Variants in RABGAP1L observed in about 807,000 individuals in gnomAD.
The protein encoded by RABGAP1L is RAB GTPase activating protein 1 like.
RABGAP1L carries 63 observed loss-of-function variants against 137.7 expected under a neutral mutation model. That is an observed-to-expected ratio of 0.46 (90% CI 0.37 to 0.56). RABGAP1L has a LOEUF of 0.56. Among genes scored for constraint, RABGAP1L ranks in the 20% least tolerant of loss-of-function variants. The pLI is 0.00. For synonymous variants in RABGAP1L, 431 were observed against 433.7 expected, an observed-to-expected ratio of 0.99 and a Z score of 0.08; for missense variants, 1,095 against 1,244.0, an observed-to-expected ratio of 0.88 and a Z score of 1.80.
At chr1:174,842,445 A>C (rs1398371801) in intron 19 of RABGAP1L, among the ~76,000 whole-genome samples, 2 of 152,218 alleles carry the variant, frequency 1.3e-5, no homozygotes, top group African/African-American at 4.8e-5. Flanking sequence ...ACCATAGATC[A>C]TATATTCTCC....
chr1:174,323,943 T>C (rs1680231205), intron 11 of RABGAP1L, among the ~76,000 whole-genome samples: 1 of 152,174 alleles, frequency 6.6e-6, no homozygotes, highest in Admixed American at 6.5e-5. Flanking sequence ...TGTGTGGATA[T>C]GCTCTATAAT....
chr1:174,516,971 A>AT (rs200447114), intron 13 of RABGAP1L, among the ~76,000 whole-genome samples: 1 of 151,078 alleles, frequency 6.6e-6, no homozygotes, highest in Admixed American at 6.6e-5. Flanking sequence ...AAATAAATAA[A>AT]ATAAATTATT....
At chr1:174,941,303 A>G (rs1665826000) in intron 19 of RABGAP1L, among the ~76,000 whole-genome samples, 1 of 152,228 alleles carries the variant, frequency 6.6e-6, no homozygotes, top group Admixed American at 6.5e-5. Context: ...ATAAGGGAAT[A>G]CATAGTGTAA....
intron 14 of RABGAP1L, among the ~76,000 whole-genome samples, chr1:174,651,592 G>A (rs549207376): frequency 1.6e-3 from 236 of 152,102 alleles, no homozygotes; most frequent in African/African-American, 5.3e-3. Context: ...TTATGTAATG[G>A]CCTTCTTTGT....
intron 1 of RABGAP1L, among the ~76,000 whole-genome samples, chr1:174,207,045 C>G (rs1333512568): frequency 6.6e-6 from 1 of 152,012 alleles, no homozygotes; most frequent in Admixed American, 6.6e-5. Flanking sequence ...TGATACATAC[C>G]AGATTTTCTA....
chr1:174,182,230 T>C (rs1474342439), intron 1 of RABGAP1L, among the ~76,000 whole-genome samples: 1 of 151,950 alleles, frequency 6.6e-6, no homozygotes. Context: ...ACTGAGGAGA[T>C]TCGGGGAAAA....
chr1:174,549,635 T>C (rs1326295065), intron 13 of RABGAP1L, among the ~76,000 whole-genome samples: 2 of 152,176 alleles, frequency 1.3e-5, no homozygotes, highest in Non-Finnish European at 2.9e-5. Flanking sequence ...GAAGTAAAAC[T>C]ATTGAAAAGC....
At chr1:174,360,924 A>G (rs1340570985) in intron 11 of RABGAP1L, among the ~76,000 whole-genome samples, 1 of 152,200 alleles carries the variant, frequency 6.6e-6, no homozygotes, top group East Asian at 1.9e-4. Flanking sequence ...TGGGAGGCCA[A>G]GGCAGGTGGA....
chr1:174,295,972 T>G (rs905676442), intron 10 of RABGAP1L, among the ~76,000 whole-genome samples: 1 of 152,138 alleles, frequency 6.6e-6, no homozygotes, highest in Admixed American at 6.5e-5. Context: ...ACCCAGAGCC[T>G]AAGTATTGAA....
intron 12 of RABGAP1L, among the ~76,000 whole-genome samples, chr1:174,380,684 T>C (rs1268831074): frequency 1.3e-5 from 2 of 148,450 alleles, no homozygotes; most frequent in African/African-American, 2.5e-5. Context: ...TCTCTTTTTT[T>C]CTTTATTAGT....
At chr1:174,515,311 T>C (rs1327456420) in intron 13 of RABGAP1L, among the ~76,000 whole-genome samples, 1 of 152,168 alleles carries the variant, frequency 6.6e-6, no homozygotes, top group Non-Finnish European at 1.5e-5. Context: ...GTAATAAAAT[T>C]AGATAAAATC....
Position 174,278,717 on chromosome 1 carries a change from G to C in RABGAP1L, c.1261G>C (p.Glu421Gln). The C allele has an allele frequency of 6.3e-7, 1 of 1,589,484 alleles. No homozygotes were observed. Among genetic ancestry groups the C allele is most frequent in the East Asian group, 2.3e-5 (1 of 43,982 alleles). ...AGTAGTCCGTGTGTACCCTGCAAAT[G>C]AGCGATTTTGGTATTTCAGCAGAAA... Reference protein sequence around the residue: ...ETVVRVYPANERFWYFSRKTF... With the variant: ...ETVVRVYPANQRFWYFSRKTF... The change falls in exon 10 of 26, where the codon GAG (glutamate) becomes CAG (glutamine). Residue 421 changes from glutamate to glutamine, a missense_variant. Coordinates refer to ENST00000681986, the MANE Select transcript of RABGAP1L (RefSeq NM_001366446.1).
At position 174,630,629 on chromosome 1, in the gene RABGAP1L, A is replaced by G. The variant is rs201608862; in HGVS notation, c.1711-6746A>G. 2.6e-4 allele frequency among the ~76,000 whole-genome samples: 28 copies of G among 107,844 alleles called. 1 individual carries two copies. The East Asian group carries it at 3.5e-3, about 14-fold the overall frequency. The allele number at this position is 107,844 out of a possible 152,430, so 70.7% of individuals were successfully genotyped here. On this transcript the variant is annotated intron_variant, in intron 13 of 25. Transcript: ENST00000681986. ...TCCTGGTTTAGTCTTGGGAGAGTGT[A>G]TGTGTCGAGGAATGTATCCATTTCT...
intron 13 of RABGAP1L, among the ~76,000 whole-genome samples, chr1:174,609,847 G>C (rs1165879628): frequency 6.6e-6 from 1 of 151,996 alleles, no homozygotes; most frequent in Non-Finnish European, 1.5e-5. Context: ...CATATAAAAT[G>C]AAGTAAAGCT....
chr1:174,375,865 G>A (rs1329189132), intron 12 of RABGAP1L, among the ~76,000 whole-genome samples: 2 of 152,180 alleles, frequency 1.3e-5, no homozygotes, highest in Admixed American at 1.3e-4. Context: ...ATGAGTTTGA[G>A]ACCAGCCTAG....
intron 19 of RABGAP1L, among the ~76,000 whole-genome samples, chr1:174,857,429 A>AGGG (rs1300007828): frequency 6.6e-6 from 1 of 152,298 alleles, no homozygotes; most frequent in East Asian, 1.9e-4. Context: ...TCTAAGACTT[A>AGGG]GGCTTTCATT....
In RABGAP1L at chr1:174,444,680, G is replaced by A. The variant is rs574850672; in HGVS notation, c.1710+50535G>A. 2.0e-5 allele frequency among the ~76,000 whole-genome samples: 3 copies of A among 152,146 alleles called. No homozygotes were observed. The East Asian group carries it at 5.8e-4, about 29-fold the overall frequency. ...ATGGTTCAATCTTGGTAGATTGTATGTGTCCAGGAATTTAGCCATTTTTTC... is the reference window on the plus strand; with the variant it reads ...ATGGTTCAATCTTGGTAGATTGTATATGTCCAGGAATTTAGCCATTTTTTC... On this transcript the variant is annotated intron_variant, in intron 13 of 25. Coordinates refer to ENST00000681986, the MANE Select transcript of RABGAP1L (RefSeq NM_001366446.1).
At chr1:174,686,977 A>C (rs1054915956) in intron 15 of RABGAP1L, among the ~76,000 whole-genome samples, 3 of 151,940 alleles carry the variant, frequency 2.0e-5, no homozygotes, top group African/African-American at 7.2e-5. Context: ...ATCTTTGAAC[A>C]TACCGTAGTT....
chr1:174,943,215 T>A (rs1666180912), intron 19 of RABGAP1L, among the ~76,000 whole-genome samples: 1 of 152,192 alleles, frequency 6.6e-6, no homozygotes, highest in African/African-American at 2.4e-5. Flanking sequence ...GTCACATAGG[T>A]CCTCATACTT....
Sources: gnomAD v4.1 joint callset for allele counts (sites outside exome capture counted in the v4.1 genomes callset) on GRCh38, gnomAD v4.1.1 for gene constraint, MANE v1.5 for transcripts, NCBI Gene and HGNC (gene_info 2026-07-23, HGNC 2026-07-21) for gene names.